VPS37A: variants seen among roughly 807,000 people sequenced by gnomAD.
VPS37A encodes VPS37A subunit of ESCRT-I.
VPS37A carries 30 observed loss-of-function variants against 49.8 expected under a neutral mutation model. The ratio of observed to expected loss-of-function variants is 0.60; its 90% CI spans 0.45 to 0.82. VPS37A has a LOEUF of 0.82. Among genes scored for constraint, VPS37A ranks in the 40% least tolerant of loss-of-function variants. The pLI is 0.00. For missense variants in VPS37A, 593 were observed against 464.4 expected, an observed-to-expected ratio of 1.28 and a Z score of -2.55; for synonymous variants, 195 against 160.6, an observed-to-expected ratio of 1.21 and a Z score of -1.62.
the VPS37A span, among the ~76,000 whole-genome samples, chr8:17,319,356 A>G: frequency 1.3e-5 from 2 of 152,324 alleles, no homozygotes; most frequent in East Asian, 1.9e-4. Context: ...TATGATACAC[A>G]TTGTATTATC....
the VPS37A span, among the ~76,000 whole-genome samples, chr8:17,316,433 C>G: frequency 4.7e-5 from 7 of 150,124 alleles, no homozygotes; most frequent in Non-Finnish European, 5.9e-5. Context: ...GACAGTTGTT[C>G]CCTCCTTTTC....
chr8:17,321,640 T>A, the VPS37A span, among the ~76,000 whole-genome samples: 4 of 152,236 alleles, frequency 2.6e-5, no homozygotes, highest in Admixed American at 2.6e-4. Flanking sequence ...AAACTCAGGA[T>A]AAGGCAGAAA....
intron 10 of VPS37A, among the ~76,000 whole-genome samples, chr8:17,285,749 C>G (rs905128364): frequency 6.6e-6 from 1 of 152,118 alleles, no homozygotes; most frequent in African/African-American, 2.4e-5. Context: ...GTAACTGTGC[C>G]TTGAAGCTTG....
chr8:17,293,004 T>A (rs934878581), intron 11 of VPS37A, among the ~76,000 whole-genome samples: 3 of 152,170 alleles, frequency 2.0e-5, no homozygotes, highest in African/African-American at 4.8e-5. Context: ...TGGGCTGTCT[T>A]GCTAGGTTGG....
chr8:17,319,938 G>A, the VPS37A span, among the ~76,000 whole-genome samples: 5 of 152,178 alleles, frequency 3.3e-5, no homozygotes, highest in East Asian at 1.9e-4. Flanking sequence ...ATGTGGCTAC[G>A]AAACACTTGA....
At chr8:17,270,931 T>C (rs1813922189) in intron 4 of VPS37A, among the ~76,000 whole-genome samples, 1 of 152,112 alleles carries the variant, frequency 6.6e-6, no homozygotes, top group African/African-American at 2.4e-5. Flanking sequence ...ACAACGGAAT[T>C]AAAGAGACAA....
At chr8:17,247,937 G>A (rs1811485431) in intron 1 of VPS37A, 2 of 601,392 alleles carry the variant, frequency 3.3e-6, no homozygotes, top group East Asian at 2.8e-5. Context: ...ACAGCGACCA[G>A]TGCATGTACA....
intron 9 of VPS37A, among the ~76,000 whole-genome samples, chr8:17,280,977 T>C (rs1414222488): frequency 6.6e-6 from 1 of 151,934 alleles, no homozygotes; most frequent in Non-Finnish European, 1.5e-5. Flanking sequence ...ATCATACCAA[T>C]AACAACCTCA....
chr8:17,331,688 T>C, the VPS37A span, among the ~76,000 whole-genome samples: 1 of 152,226 alleles, frequency 6.6e-6, no homozygotes, highest in Non-Finnish European at 1.5e-5. Flanking sequence ...TAAGGCTCTA[T>C]ACATTATTAT....
At chr8:17,320,552 A>G in the VPS37A span, among the ~76,000 whole-genome samples, 1 of 152,150 alleles carries the variant, frequency 6.6e-6, no homozygotes, top group Non-Finnish European at 1.5e-5. Context: ...CTAGAAGCCA[A>G]TTTCCATAAA....
chr8:17,299,877 C>T (rs376602011), downstream of VPS37A: 179 of 1,613,924 alleles, frequency 1.1e-4, no homozygotes, highest in Non-Finnish European at 1.4e-4. Context: ...CAGTGAGAAA[C>T]ACGGCTTCAT....
the VPS37A span, among the ~76,000 whole-genome samples, chr8:17,330,640 G>A: frequency 2.0e-5 from 3 of 152,098 alleles, no homozygotes; most frequent in Admixed American, 6.5e-5. Context: ...TGTCATGTTC[G>A]CCATATATGT....
At chr8:17,309,478 T>G in the VPS37A span, 281 of 653,128 alleles carry the variant, frequency 4.3e-4, no homozygotes, top group African/African-American at 4.4e-3. Flanking sequence ...TCCACCCATA[T>G]AGAGATGCAC....
rs529780213 is a variant in VPS37A, at chr8:17,249,021, A to G, written c.125+1652A>G. 1.9e-3 allele frequency among the ~76,000 whole-genome samples: 286 copies of G among 152,352 alleles called. 1 individual carries two copies. Among genetic ancestry groups the G allele is most frequent in the South Asian group, 0.014 (66 of 4,828 alleles). The stretch of plus-strand genomic sequence containing the variant: ...TTAGAAGTTGTTACCTTGGTAGACT[A>G]TATACCAAACCAGTCCTGCTATTGC... On this transcript the variant is annotated intron_variant, in intron 1 of 11. Coordinates refer to ENST00000324849, the MANE Select transcript of VPS37A (RefSeq NM_152415.3).
the VPS37A span, among the ~76,000 whole-genome samples, chr8:17,316,271 A>T: frequency 6.6e-6 from 1 of 152,028 alleles, no homozygotes; most frequent in African/African-American, 2.4e-5. Context: ...TATATATTTT[A>T]TAGGTACTAA....
At chr8:17,292,743 T>C (rs975521058) in intron 11 of VPS37A, among the ~76,000 whole-genome samples, 11 of 152,316 alleles carry the variant, frequency 7.2e-5, no homozygotes, top group Non-Finnish European at 1.3e-4. Context: ...GGATATGAAA[T>C]TATTGGTTGA....
At chr8:17,301,212 A>C (rs1041229974), downstream of VPS37A, among the ~76,000 whole-genome samples, 9 of 152,242 alleles carry the variant, frequency 5.9e-5, no homozygotes, top group African/African-American at 2.2e-4. Flanking sequence ...CTTAAGGAAC[A>C]TGGAGTAGTG....
At chr8:17,267,032 A>G (rs1194139712) in intron 2 of VPS37A, among the ~76,000 whole-genome samples, 1 of 152,136 alleles carries the variant, frequency 6.6e-6, no homozygotes, top group Admixed American at 6.5e-5. Flanking sequence ...CGGCCTCCCA[A>G]AGTGCTGGAA....
downstream of VPS37A, among the ~76,000 whole-genome samples, chr8:17,305,418 A>G (rs1179732734): frequency 6.6e-6 from 1 of 152,172 alleles, no homozygotes; most frequent in East Asian, 1.9e-4. Flanking sequence ...AATTTTTATT[A>G]TGGTAGCATA....
Sources: allele counts gnomAD v4.1 joint callset (sites outside exome capture counted in the v4.1 genomes callset), GRCh38; gene constraint gnomAD v4.1.1; transcripts MANE v1.5; gene names NCBI Gene and HGNC (gene_info 2026-07-23, HGNC 2026-07-21).